MACROD2: variants seen among roughly 807,000 people sequenced by gnomAD.
MACROD2 encodes the protein mono-ADP ribosylhydrolase 2.
In MACROD2, 36 loss-of-function variants were observed where a neutral mutation model predicts 70.4. The ratio of observed to expected loss-of-function variants is 0.51; its 90% CI spans 0.39 to 0.68. The LOEUF (loss-of-function observed/expected upper bound fraction) is 0.68. MACROD2 is among the 30% of genes least tolerant of loss of function. MACROD2 has a pLI of 0.00. For missense variants in MACROD2, 496 were observed against 538.4 expected (o/e 0.92, Z 0.78); for synonymous variants, 172 against 178.8 (o/e 0.96, Z 0.30).
Position 15,791,408 on chromosome 20 carries a change from A to G in MACROD2, c.646-71337A>G, listed in dbSNP as rs558780355. On this transcript the variant is annotated intron_variant, in intron 8 of 17. Coordinates refer to ENST00000684519, the MANE Select transcript of MACROD2 (RefSeq NM_001351661.2). ...TGTATAAAAAAAACCATGTGTCACTATGAAGTAAATGAGACATTGTCTCTT... is the reference window on the plus strand; with the variant it reads ...TGTATAAAAAAAACCATGTGTCACTGTGAAGTAAATGAGACATTGTCTCTT... 3.9e-5 allele frequency among the ~76,000 whole-genome samples: 6 copies of G among 152,054 alleles called. No homozygotes were observed. In the South Asian group the frequency reaches 1.0e-3, roughly 26 times the overall value.
At chr20:15,030,977 G>A (rs1430130133) in intron 5 of MACROD2, among the ~76,000 whole-genome samples, 1 of 152,176 alleles carries the variant, frequency 6.6e-6, no homozygotes, top group Non-Finnish European at 1.5e-5. Flanking sequence ...GGTGCACTTG[G>A]CTCGCGCTAC....
chr20:15,619,175 G>A (rs113113247), intron 8 of MACROD2, among the ~76,000 whole-genome samples: 6,024 of 152,270 alleles, frequency 0.04, 199 homozygotes, highest in African/African-American at 0.084. Context: ...CTCCTAAACC[G>A]TAATTTCTCA....
chr20:15,268,107 A>G (rs1333194235), intron 6 of MACROD2, among the ~76,000 whole-genome samples: 1 of 152,150 alleles, frequency 6.6e-6, no homozygotes, highest in African/African-American at 2.4e-5. Flanking sequence ...ATATATATTC[A>G]AGAGAGGAGA....
At chr20:15,511,319 A>G (rs2047496165) in intron 8 of MACROD2, among the ~76,000 whole-genome samples, 2 of 152,234 alleles carry the variant, frequency 1.3e-5, no homozygotes, top group Admixed American at 1.3e-4. Context: ...CAATCGGTCC[A>G]AATTTTCACA....
At chr20:14,961,439 C>T (rs1398487771) in intron 5 of MACROD2, among the ~76,000 whole-genome samples, 2 of 152,180 alleles carry the variant, frequency 1.3e-5, no homozygotes, top group East Asian at 1.9e-4. Context: ...TACCATACCA[C>T]GCTGTTCCTC....
At chr20:15,278,072 C>T (rs934661645) in intron 6 of MACROD2, among the ~76,000 whole-genome samples, 3 of 152,154 alleles carry the variant, frequency 2.0e-5, no homozygotes, top group Admixed American at 6.5e-5. Context: ...ACCTCAGGGT[C>T]CCAGTGATAG....
intron 5 of MACROD2, among the ~76,000 whole-genome samples, chr20:14,970,754 G>A (rs950446318): frequency 1.3e-5 from 2 of 151,994 alleles, no homozygotes; most frequent in Admixed American, 6.6e-5. Flanking sequence ...GGGCTCAAAC[G>A]ATCCTCCTGC....
At chr20:15,221,483 C>A (rs1311933327) in intron 5 of MACROD2, among the ~76,000 whole-genome samples, 1 of 152,172 alleles carries the variant, frequency 6.6e-6, no homozygotes, top group Non-Finnish European at 1.5e-5. Context: ...GCCCCCAATA[C>A]CCTGTGGAAT....
chr20:15,342,413 G>C (rs563454529), intron 6 of MACROD2, among the ~76,000 whole-genome samples: 14 of 152,220 alleles, frequency 9.2e-5, no homozygotes, highest in African/African-American at 2.6e-4. Flanking sequence ...GTGTTCATTA[G>C]TTGGAGGATT....
intron 2 of MACROD2, among the ~76,000 whole-genome samples, chr20:14,040,374 A>C (rs1449396702): frequency 6.6e-6 from 1 of 152,216 alleles, no homozygotes; most frequent in Non-Finnish European, 1.5e-5. Context: ...GTGTAAAAGA[A>C]AAAAGGTATA....
At chr20:15,187,016 A>G (rs922866333) in intron 5 of MACROD2, among the ~76,000 whole-genome samples, 10 of 152,084 alleles carry the variant, frequency 6.6e-5, no homozygotes, top group African/African-American at 2.2e-4. Context: ...TATATATTGT[A>G]TTTTATTCAT....
At chr20:15,366,958 G>A (rs1326171812) in intron 6 of MACROD2, among the ~76,000 whole-genome samples, 1 of 151,562 alleles carries the variant, frequency 6.6e-6, no homozygotes, top group Non-Finnish European at 1.5e-5. Flanking sequence ...TCCATTTAAT[G>A]TCTATAATCT....
rs559314658 is a variant in MACROD2 at position 14,804,756 on chromosome 20, T to G, written c.418+119797T>G. Among the ~76,000 whole-genome samples the G allele has an allele frequency of 9.8e-4, 149 of 152,166 alleles. 3 individuals are homozygous for G. Among genetic ancestry groups the G allele is most frequent in the Non-Finnish European group, 1.5e-3 (101 of 68,016 alleles). On this transcript the variant is annotated intron_variant, in intron 5 of 17. Coordinates refer to ENST00000684519, the MANE Select transcript of MACROD2 (RefSeq NM_001351661.2). ...AGCCTCCTGTTGCCGTGGTCACTAG[T>G]GACTGTGCCCATGCTAATCTTTCCC...
chr20:14,373,932 A>T lies in MACROD2; in HGVS notation c.272-119547A>T, dbSNP rs539663502. On this transcript the variant is annotated intron_variant, in intron 3 of 17. Transcript: ENST00000684519. ...TGTAGGCAGTTTTTGTTTAATAGGT[A>T]TTAGAGTAAATGACTGTGAATTTGT... Among the ~76,000 whole-genome samples, 4 of 152,304 alleles carry T rather than the reference A, an allele frequency of 2.6e-5. 1 individual carries two copies. In the South Asian group the frequency reaches 8.3e-4, roughly 32 times the overall value.
chr20:15,939,551 A>G (rs1030950021), intron 12 of MACROD2, among the ~76,000 whole-genome samples: 1 of 151,976 alleles, frequency 6.6e-6, no homozygotes, highest in Non-Finnish European at 1.5e-5. Flanking sequence ...CTGCATATTG[A>G]CAATGCACCT....
intron 13 of MACROD2, among the ~76,000 whole-genome samples, chr20:15,977,953 A>G (rs1365956161): frequency 6.6e-6 from 1 of 152,222 alleles, no homozygotes; most frequent in Non-Finnish European, 1.5e-5. Flanking sequence ...CTTACTTTCC[A>G]GAGGTAATGT....
chr20:15,686,149 C>G (rs1463297585), intron 8 of MACROD2, among the ~76,000 whole-genome samples: 1 of 152,176 alleles, frequency 6.6e-6, no homozygotes, highest in African/African-American at 2.4e-5. Context: ...ACTCTGATGT[C>G]ATTTTCTCCT....
chr20:14,334,650 G>T (rs1292001357), intron 3 of MACROD2, among the ~76,000 whole-genome samples: 5 of 138,924 alleles, frequency 3.6e-5, no homozygotes, highest in Non-Finnish European at 1.6e-5. Flanking sequence ...GGCCTCTGGG[G>T]CAAAAGGTGG....
At chr20:15,676,480 T>C (rs2050059231) in intron 8 of MACROD2, among the ~76,000 whole-genome samples, 1 of 152,226 alleles carries the variant, frequency 6.6e-6, no homozygotes, top group African/African-American at 2.4e-5. Context: ...TATTTGCAGA[T>C]TGGTCATATA....
Sources: gnomAD v4.1 joint callset for allele counts (sites outside exome capture counted in the v4.1 genomes callset) on GRCh38, gnomAD v4.1.1 for gene constraint, MANE v1.5 for transcripts, NCBI Gene and HGNC (gene_info 2026-07-23, HGNC 2026-07-21) for gene names.